The following XKR9 variants were observed in gnomAD, a reference collection of about 807,000 sequenced individuals.
XKR9 encodes the protein XK related 9.
A neutral mutation model predicts 32.0 loss-of-function variants in XKR9; 32 were observed. The observed-to-expected ratio is 1.00, with a 90% CI of 0.76 to 1.34. The LOEUF is 1.34. XKR9 is among the 40% of genes most tolerant of loss of function. The probability of loss-of-function intolerance (pLI) is 0.00; values close to 1 mark genes in which losing one functional copy is unlikely to be tolerated. For missense variants in XKR9, 546 were observed against 429.7 expected (o/e 1.27, Z -2.39); for synonymous variants, 168 against 143.4 (o/e 1.17, Z -1.22).
chr8:70,822,329 A>G, the XKR9 span, among the ~76,000 whole-genome samples: 2 of 151,962 alleles, frequency 1.3e-5, no homozygotes, highest in Admixed American at 1.3e-4. Flanking sequence ...TTAATTAGAG[A>G]TTTTGTTAAT....
chr8:70,703,188 C>G (rs945409840), intron 3 of XKR9, among the ~76,000 whole-genome samples: 2 of 150,930 alleles, frequency 1.3e-5, no homozygotes, highest in African/African-American at 4.9e-5. Context: ...GCCCCTCTCT[C>G]TTTTCTTCTA....
the XKR9 span, among the ~76,000 whole-genome samples, chr8:71,036,296 C>A: frequency 6.6e-6 from 1 of 152,142 alleles, no homozygotes; most frequent in African/African-American, 2.4e-5. Context: ...CACTTACTGA[C>A]TTTTGATTTT....
the XKR9 span, among the ~76,000 whole-genome samples, chr8:70,804,049 C>A: frequency 6.6e-6 from 1 of 152,246 alleles, no homozygotes; most frequent in Non-Finnish European, 1.5e-5. Context: ...CTATGGGCTA[C>A]AAGCTCTAGC....
the XKR9 span, among the ~76,000 whole-genome samples, chr8:70,908,674 G>T: frequency 1.3e-5 from 2 of 152,192 alleles, no homozygotes; most frequent in African/African-American, 4.8e-5. Flanking sequence ...AAACAAATGA[G>T]TGTGGCTGTG....
At chr8:70,966,137 A>C in the XKR9 span, among the ~76,000 whole-genome samples, 1 of 152,162 alleles carries the variant, frequency 6.6e-6, no homozygotes, top group Non-Finnish European at 1.5e-5. Flanking sequence ...TTAGTTTCAA[A>C]GAACTTCTTG....
intron 4 of XKR9, among the ~76,000 whole-genome samples, chr8:70,710,720 A>C (rs987618189): frequency 7.9e-5 from 12 of 152,096 alleles, no homozygotes; most frequent in Non-Finnish European, 1.6e-4. Flanking sequence ...CAACAACAAC[A>C]ACAAAAACAA....
chr8:70,728,851 A>G (rs905477088), intron 4 of XKR9, among the ~76,000 whole-genome samples: 1 of 152,230 alleles, frequency 6.6e-6, no homozygotes, highest in African/African-American at 2.4e-5. Flanking sequence ...ACTCTGTTCC[A>G]TAAGGAATCT....
chr8:70,676,273 T>C (rs950330349), intron 2 of XKR9, among the ~76,000 whole-genome samples: 2 of 152,312 alleles, frequency 1.3e-5, no homozygotes, highest in African/African-American at 4.8e-5. Flanking sequence ...TACACCCCTA[T>C]GACCCAAAAC....
chr8:71,029,004 T>A, the XKR9 span, among the ~76,000 whole-genome samples: 1 of 152,282 alleles, frequency 6.6e-6, no homozygotes, highest in Middle Eastern at 3.4e-3. Flanking sequence ...ATGATTTCTC[T>A]GAGTCCATAT....
intron 4 of XKR9, among the ~76,000 whole-genome samples, chr8:70,712,978 C>T (rs1053048201): frequency 2.0e-5 from 3 of 152,020 alleles, no homozygotes; most frequent in African/African-American, 7.2e-5. Flanking sequence ...GAAAAAAAAT[C>T]AGTGAGACTT....
chr8:70,778,440 G>C (rs188154671), intron 2 of XKR9, among the ~76,000 whole-genome samples: 2 of 152,002 alleles, frequency 1.3e-5, no homozygotes, highest in Admixed American at 6.6e-5. Flanking sequence ...GCTCTTTTTT[G>C]GTTCCATATG....
At chr8:70,959,805 G>C in the XKR9 span, among the ~76,000 whole-genome samples, 7 of 152,144 alleles carry the variant, frequency 4.6e-5, no homozygotes, top group East Asian at 1.9e-4. Context: ...ACTGCAAACT[G>C]CGTGTTTATA....
At chr8:71,057,949 C>A in the XKR9 span, among the ~76,000 whole-genome samples, 6 of 152,008 alleles carry the variant, frequency 3.9e-5, no homozygotes, top group African/African-American at 1.5e-4. Flanking sequence ...CTTTGGGAGG[C>A]CGAGGTGGAT....
chr8:70,861,522 CA>C, the XKR9 span, among the ~76,000 whole-genome samples: 499 of 151,458 alleles, frequency 3.3e-3, 7 homozygotes, highest in Non-Finnish European at 3.5e-3. Flanking sequence ...TAGTAGTGTG[CA>C]CCTGTAGTCC....
chr8:71,017,191 G>A, the XKR9 span, among the ~76,000 whole-genome samples: 2 of 152,282 alleles, frequency 1.3e-5, no homozygotes, highest in South Asian at 2.1e-4. Context: ...AGTGGGAATG[G>A]TCAGCATGAA....
chr8:70,903,632 T>C, the XKR9 span, among the ~76,000 whole-genome samples: 5 of 152,226 alleles, frequency 3.3e-5, no homozygotes, highest in Non-Finnish European at 7.3e-5. Flanking sequence ...TGTGTCTCTC[T>C]CTCGTTCAAT....
intron 4 of XKR9, among the ~76,000 whole-genome samples, chr8:70,726,144 C>A (rs1806462056): frequency 6.6e-6 from 1 of 152,084 alleles, no homozygotes; most frequent in African/African-American, 2.4e-5. Flanking sequence ...AGCAAGAACA[C>A]ACATCAAATT....
the XKR9 span, among the ~76,000 whole-genome samples, chr8:71,065,490 G>T: frequency 6.6e-6 from 1 of 152,212 alleles, no homozygotes; most frequent in African/African-American, 2.4e-5. Flanking sequence ...AAATTAACAT[G>T]TGTTGTTTAA....
At chr8:71,028,563 T>C in the XKR9 span, among the ~76,000 whole-genome samples, 5 of 152,194 alleles carry the variant, frequency 3.3e-5, no homozygotes, top group Non-Finnish European at 7.3e-5. Flanking sequence ...TTTTGAGATC[T>C]ATTGCATAAC....
Sources: gnomAD v4.1 joint callset for allele counts (sites outside exome capture counted in the v4.1 genomes callset) on GRCh38, gnomAD v4.1.1 for gene constraint, MANE v1.5 for transcripts, NCBI Gene and HGNC (gene_info 2026-07-23, HGNC 2026-07-21) for gene names.